SCG3: variants seen among roughly 807,000 people sequenced by gnomAD.
The protein encoded by SCG3 is secretogranin-3.
A neutral mutation model predicts 56.2 loss-of-function variants in SCG3; 38 were observed. The observed-to-expected ratio is 0.68, with a 90% confidence interval of 0.52 to 0.89. SCG3 has a LOEUF of 0.89. Among genes scored for constraint, SCG3 ranks in the 40% least tolerant of loss-of-function variants. The probability of loss-of-function intolerance (pLI) is 0.00; values close to 1 mark genes in which losing one functional copy is unlikely to be tolerated. For synonymous variants in SCG3, 176 were observed against 184.2 expected (o/e 0.96, Z 0.36); for missense variants, 524 against 540.7 (o/e 0.97, Z 0.31).
intron 7 of SCG3, among the ~76,000 whole-genome samples, chr15:51,695,175 T>C (rs2055294824): frequency 6.6e-6 from 1 of 152,240 alleles, no homozygotes; most frequent in African/African-American, 2.4e-5. Context: ...TATGCATATA[T>C]TCTTTCAAAT....
chr15:51,707,979 G>C (rs1209131828), intron 10 of SCG3: 1 of 152,192 alleles, frequency 6.6e-6, no homozygotes, highest in Admixed American at 6.5e-5. Context: ...CAGAGGGAGA[G>C]AGTCAGGACA....
At chr15:51,704,236 C>CATATATATAT (rs1338699360) in intron 10 of SCG3, among the ~76,000 whole-genome samples, 11 of 54,302 alleles carry the variant, frequency 2.0e-4, no homozygotes, top group African/African-American at 5.7e-4. Flanking sequence ...TGTATACATA[C>CATATATATAT]ATACATACAT....
At chr15:51,713,724 C>G (rs527667310) in intron 11 of SCG3, among the ~76,000 whole-genome samples, 1 of 152,306 alleles carries the variant, frequency 6.6e-6, no homozygotes, top group South Asian at 2.1e-4. Flanking sequence ...TCAAATGTTG[C>G]CAGTCTTGTT....
At chr15:51,684,600 AC>A (rs1281869969) in intron 4 of SCG3, among the ~76,000 whole-genome samples, 1 of 152,102 alleles carries the variant, frequency 6.6e-6, no homozygotes. Context: ...AAACAGGAAA[AC>A]CAAAGTCCTT....
At chr15:51,705,081 T>G (rs944869177) in intron 10 of SCG3, among the ~76,000 whole-genome samples, 1 of 152,038 alleles carries the variant, frequency 6.6e-6, no homozygotes, top group African/African-American at 2.4e-5. Flanking sequence ...GAGTGGACTA[T>G]GATCTGAGAC....
At chr15:51,701,388 T>C (rs1567220159) in intron 10 of SCG3, 144 bp downstream of exon 10, 1 of 779,684 alleles carries the variant, frequency 1.3e-6, no homozygotes, top group Non-Finnish European at 1.9e-6. Context: ...GCATGTGGTA[T>C]CTTTATTTGA....
At chr15:51,709,693 A>ATTTGTTTTTT (rs2055402825) in intron 10 of SCG3, among the ~76,000 whole-genome samples, 1 of 15,690 alleles carries the variant, frequency 6.4e-5, no homozygotes, top group Non-Finnish European at 1.3e-4. Flanking sequence ...ATATATATAT[A>ATTTGTTTTTT]TATATATATT....
chr15:51,713,945 G>T (rs1425855873), intron 11 of SCG3, among the ~76,000 whole-genome samples: 1 of 152,220 alleles, frequency 6.6e-6, no homozygotes, highest in Non-Finnish European at 1.5e-5. Context: ...TCATGGATAG[G>T]TGTGTTACTG....
intron 4 of SCG3, among the ~76,000 whole-genome samples, chr15:51,684,149 C>T (rs548607144): frequency 1.3e-5 from 2 of 152,272 alleles, no homozygotes; most frequent in Middle Eastern, 6.8e-3. Context: ...TTTTCCCTCA[C>T]CTCTCAAATT....
chr15:51,714,958 C>T (rs550291073), intron 11 of SCG3, among the ~76,000 whole-genome samples: 7 of 152,342 alleles, frequency 4.6e-5, no homozygotes, highest in African/African-American at 1.7e-4. Context: ...AACATGCCAT[C>T]AATGACTGCA....
chr15:51,695,914 T>C lies in SCG3; in HGVS notation c.908T>C (p.Met303Thr). 6.2e-7 allele frequency: 1 copy of C among 1,610,542 alleles called. No individual in the cohort carries two copies. Among genetic ancestry groups the C allele is most frequent in the Non-Finnish European group, 8.5e-7 (1 of 1,176,998 alleles). Residue 303 changes from methionine (M) to threonine (T), a missense_variant, in exon 8 of 12, where the codon ATG becomes ACG. Met to Thr is a moderately conservative substitution (Grantham distance 81). Transcript: ENST00000220478. ...GAGAAAGAAACACTGATTACTATCA[T>C]GAAAACACTGATTGACTTTGTGAAG... ...AKEKETLITI[M>T]KTLIDFVKMM...
Position 51,699,333 on chromosome 15 carries a change from A to G in SCG3, c.1000A>G (p.Met334Val). ...GVSYLENLDEMIALQTKNKLE... is the reference protein window; with the variant it reads ...GVSYLENLDEVIALQTKNKLE... ...CCTCCCTCCAGAAAACTTGGATGAA[A>G]TGATTGCTCTTCAGACCAAAAACAA... The change falls in exon 9 of 12, where the codon ATG (methionine) becomes GTG (valine). Residue 334 changes from methionine (M) to valine (V), a missense_variant. Physicochemically the swap from Met to Val is conservative, Grantham distance 21. Transcript: ENST00000220478. 1 of 1,606,074 alleles carries G rather than the reference A, an allele frequency of 6.2e-7. No homozygotes were observed. Among genetic ancestry groups the G allele is most frequent in the Middle Eastern group, 1.7e-4 (1 of 6,052 alleles).
intron 10 of SCG3, chr15:51,713,074 T>G (rs931031621): frequency 6.8e-6 from 2 of 293,902 alleles, no homozygotes; most frequent in Admixed American, 1.2e-4. Flanking sequence ...TATTTGTGTG[T>G]GGGAATCATG....
intron 5 of SCG3, 76 bp from the exon 6 acceptor site, chr15:51,689,143 C>T: frequency 7.0e-7 from 1 of 1,437,190 alleles, no homozygotes; most frequent in Non-Finnish European, 9.6e-7. Context: ...TGTTTGACTA[C>T]AGTTTAGTCC....
chr15:51,706,588 C>T (rs2055377630), intron 10 of SCG3, among the ~76,000 whole-genome samples: 1 of 152,078 alleles, frequency 6.6e-6, no homozygotes. Context: ...CTGTTTTGGC[C>T]TTGCGGTGTG....
At chr15:51,709,688 TATATA>T (rs1567222276) in intron 10 of SCG3, among the ~76,000 whole-genome samples, 5 of 21,890 alleles carry the variant, frequency 2.3e-4, no homozygotes, top group Non-Finnish European at 4.6e-4. Flanking sequence ...TATATATATA[TATATA>T]TATATATATT....
intron 8 of SCG3, among the ~76,000 whole-genome samples, chr15:51,698,977 A>G (rs1405948271): frequency 6.6e-6 from 1 of 152,184 alleles, no homozygotes; most frequent in Admixed American, 6.5e-5. Context: ...CTAGGGAAAA[A>G]TCAAGGTGCA....
chr15:51,686,219 C>T, intron 4 of SCG3, among the ~76,000 whole-genome samples: 1 of 152,166 alleles, frequency 6.6e-6, no homozygotes, highest in South Asian at 2.1e-4. Context: ...CATTCTGAGT[C>T]ATACTATCCA....
intron 4 of SCG3, among the ~76,000 whole-genome samples, chr15:51,685,703 C>T (rs979647230): frequency 2.0e-5 from 3 of 152,156 alleles, no homozygotes; most frequent in Non-Finnish European, 4.4e-5. Context: ...TAACTTCTGC[C>T]GGATGTGTTC....
Sources: gnomAD v4.1 joint callset for allele counts (sites outside exome capture counted in the v4.1 genomes callset) on GRCh38, gnomAD v4.1.1 for gene constraint, MANE v1.5 for transcripts, NCBI Gene and HGNC (gene_info 2026-07-23, HGNC 2026-07-21) for gene names.